The following ABLIM2 variants were observed in gnomAD, a reference collection of about 807,000 sequenced individuals.
ABLIM2 encodes actin binding LIM protein family member 2.
Under a neutral mutation model 97.7 loss-of-function variants are expected in ABLIM2, and 53 were observed. The ratio of observed to expected loss-of-function variants is 0.54; its 90% confidence interval spans 0.44 to 0.68. The LOEUF is 0.68. ABLIM2 is among the 30% of genes least tolerant of loss of function. The pLI is 0.00. For synonymous variants in ABLIM2, 361 were observed against 345.8 expected (o/e 1.04, Z -0.49); for missense variants, 835 against 867.2 (o/e 0.96, Z 0.47).
At chr4:8,107,210 C>T (rs1837900835) in intron 1 of ABLIM2, among the ~76,000 whole-genome samples, 1 of 152,252 alleles carries the variant, frequency 6.6e-6, no homozygotes, top group Non-Finnish European at 1.5e-5. Flanking sequence ...CACCACAGTA[C>T]AGGACATTTA....
intron 20 of ABLIM2, among the ~76,000 whole-genome samples, chr4:7,973,278 A>G (rs114317960): frequency 0.011 from 1,733 of 152,034 alleles, 39 homozygotes; most frequent in African/African-American, 0.04. Flanking sequence ...TGGGGGGCTG[A>G]GACGGGTAGA....
intron 1 of ABLIM2, among the ~76,000 whole-genome samples, chr4:8,153,955 C>CT (rs1216687226): frequency 7.8e-6 from 1 of 128,148 alleles, no homozygotes; most frequent in Non-Finnish European, 1.6e-5. Flanking sequence ...CTAAATTAAA[C>CT]TTCTTTTCTT....
chr4:8,030,513 G>A (rs149170533), intron 10 of ABLIM2, among the ~76,000 whole-genome samples: 4 of 152,318 alleles, frequency 2.6e-5, no homozygotes, highest in African/African-American at 9.6e-5. Context: ...TTCCCGGTCT[G>A]GGCCCATGGC....
intron 4 of ABLIM2, among the ~76,000 whole-genome samples, chr4:8,086,726 T>G (rs1263184411): frequency 2.0e-5 from 3 of 152,112 alleles, no homozygotes; most frequent in Non-Finnish European, 4.4e-5. Flanking sequence ...AAATTTGCCA[T>G]AGAGCTTTTG....
intron 6 of ABLIM2, chr4:8,066,951 T>C (rs370031058): frequency 2.0e-5 from 3 of 152,372 alleles, no homozygotes; most frequent in African/African-American, 7.2e-5. Context: ...GGCCAACTTT[T>C]GAATGACCAA....
At chr4:7,997,721 G>A (rs773372835) in intron 16 of ABLIM2, among the ~76,000 whole-genome samples, 61 of 152,216 alleles carry the variant, frequency 4.0e-4, no homozygotes, top group Non-Finnish European at 6.8e-4. Flanking sequence ...GGGTTGCTGC[G>A]TATTTCCCCG....
rs555453694 is a variant in ABLIM2 at position 8,149,679 on chromosome 4, G to C, written c.10+9001C>G. Among the ~76,000 whole-genome samples the C allele has an allele frequency of 5.0e-4, 76 of 152,120 alleles. No individual in the cohort carries two copies. The highest frequency in any genetic ancestry group is 1.8e-3 in the African/African-American group (74 of 41,512). ...TCAGGGCAAAGACAGCACATAGTAG[G>C]TGCTTAATAAATAGTCGTGGAGGGA... On this transcript the variant is annotated intron_variant, in intron 1 of 20. Coordinates refer to ENST00000447017, the MANE Select transcript of ABLIM2 (RefSeq NM_001130083.2). This position sits in a 1 kb window ranked among gnomAD's most constrained non-coding sequence, Gnocchi z 6.4.
intron 20 of ABLIM2, 37 bp from the exon 21 acceptor site, chr4:7,967,140 G>T: frequency 6.4e-7 from 1 of 1,562,328 alleles, no homozygotes; most frequent in Non-Finnish European, 8.8e-7. Context: ...GGACCAGTTA[G>T]CCACGCAGCA....
rs1221026888 is a variant in ABLIM2 at position 8,072,632 on chromosome 4, C to G, written c.675+4996G>C. Among the ~76,000 whole-genome samples, 1 of 152,222 alleles carries G rather than the reference C, an allele frequency of 6.6e-6. No homozygotes were observed. Among genetic ancestry groups the G allele is most frequent in the East Asian group, 1.9e-4 (1 of 5,192 alleles). On this transcript the variant is annotated intron_variant, in intron 6 of 20. Coordinates refer to ENST00000447017, the MANE Select transcript of ABLIM2 (RefSeq NM_001130083.2). The surrounding 1 kb of genome is among the most constrained non-coding windows in gnomAD (Gnocchi z 5.8). The stretch of plus-strand genomic sequence containing the variant: ...GGAGAAGACAAAGGGTTGGGGGAAA[C>G]CTGCGCACCCCGGGCTCCAGTCTGG...
rs562806666 is a variant in ABLIM2 at position 8,124,897 on chromosome 4, G to A, written c.11-18260C>T. ...CACAGCCTGCTCTGGGTGTGCCTGC[G>A]ATTTTGATCCAGCCATTCTAGCGGA... is the stretch of plus-strand genomic sequence containing the variant. On this transcript the variant is annotated intron_variant, in intron 1 of 20. Transcript: ENST00000447017. The surrounding 1 kb of genome is among the most constrained non-coding windows in gnomAD (Gnocchi z 6.1). Among the ~76,000 whole-genome samples the A allele has an allele frequency of 2.1e-3, 313 of 152,256 alleles. 1 individual carries two copies. Among genetic ancestry groups the A allele is most frequent in the African/African-American group, 7.2e-3 (299 of 41,536 alleles).
chr4:7,991,757 G>A lies in ABLIM2; in HGVS notation c.1680+1109C>T, dbSNP rs554070286. ...CCATGCAGAGGTGCCTGGGCCCTGG[G>A]GGAGATCCGGGGAGGCTGGGCCTTG... On this transcript the variant is annotated intron_variant, in intron 17 of 20. Coordinates refer to ENST00000447017, the MANE Select transcript of ABLIM2 (RefSeq NM_001130083.2). Among the ~76,000 whole-genome samples the A allele has an allele frequency of 9.9e-5, 15 of 152,252 alleles. No individual in the cohort carries two copies. The South Asian group carries it at 2.9e-3, about 30-fold the overall frequency.
At chr4:8,006,927 GGGATCCT>G in intron 16 of ABLIM2, 1 of 717,712 alleles carries the variant, frequency 1.4e-6, no homozygotes, top group Non-Finnish European at 1.7e-6. Context: ...CCTGAATGCT[GGGATCCT>G]GGTATTTACA....
At chr4:8,134,537 A>G (rs1849914915) in intron 1 of ABLIM2, among the ~76,000 whole-genome samples, 2 of 152,246 alleles carry the variant, frequency 1.3e-5, no homozygotes, top group Non-Finnish European at 2.9e-5. Flanking sequence ...TGCAGACCAC[A>G]TGCCCCGTCT....
rs949762560 is a variant in ABLIM2, at chr4:8,150,034, C to T, written c.10+8646G>A. Among the ~76,000 whole-genome samples the T allele has an allele frequency of 6.6e-6, 1 of 152,156 alleles. No individual in the cohort carries two copies. The highest frequency in any genetic ancestry group is 1.5e-5 in the Non-Finnish European group (1 of 68,026). The stretch of plus-strand genomic sequence containing the variant: ...GGTCACCTCCTAGGTAAACCACCTG[C>T]ACCCAAGTTCCCACTGCACCTACTC... On this transcript the variant is annotated intron_variant, in intron 1 of 20. Coordinates refer to ENST00000447017, the MANE Select transcript of ABLIM2 (RefSeq NM_001130083.2). This position sits in a 1 kb window ranked among gnomAD's most constrained non-coding sequence, Gnocchi z 6.3.
chr4:8,016,518 G>A (rs561314812), intron 14 of ABLIM2, among the ~76,000 whole-genome samples: 3 of 152,302 alleles, frequency 2.0e-5, no homozygotes, highest in Admixed American at 1.3e-4. Context: ...TCTGAGAAAG[G>A]AAGCTCCCCA....
chr4:8,047,369 C>CCTCCTCCTCCTCCTCCTCCTCCTCTTT (rs1793203968), intron 8 of ABLIM2, among the ~76,000 whole-genome samples: 1 of 151,262 alleles, frequency 6.6e-6, no homozygotes, highest in South Asian at 2.1e-4. Flanking sequence ...TCCTCCTCCT[C>CCTCCTCCTCCTCCTCCTCCTCCTCTTT]CTCCTCCTCC....
Position 8,068,564 on chromosome 4 carries a change from AGC to A in ABLIM2, c.676-7512_676-7511del, listed in dbSNP as rs1366704796. ...TCTTTGGGCTTCTGGAGAATGGATC[AGC>A]CCTCTCTGCCATGAGCCCCTCACAC... On this transcript the variant is annotated intron_variant, in intron 6 of 20. Transcript: ENST00000447017. The surrounding 1 kb of genome is among the most constrained non-coding windows in gnomAD (Gnocchi z 4.5). Among the ~76,000 whole-genome samples, 17 of 152,368 alleles carry A rather than the reference AGC, an allele frequency of 1.1e-4. 1 individual carries two copies. The highest frequency in any genetic ancestry group is 4.1e-4 in the African/African-American group (17 of 41,590).
At position 7,995,101 on chromosome 4, in the gene ABLIM2, A is replaced by G. The variant is rs1244583978; in HGVS notation, c.1619-2174T>C. On this transcript the variant is annotated intron_variant, in intron 16 of 20. Transcript: ENST00000447017. ...TGCTCATCATCACTGGCCATCAGAG[A>G]AATGCAAATCAAAACCACTATGAGA... 7.0e-5 allele frequency among the ~76,000 whole-genome samples: 4 copies of G among 57,198 alleles called. 1 individual carries two copies. The highest frequency in any genetic ancestry group is 2.4e-4 in the Non-Finnish European group (4 of 16,826). The allele number at this position is 57,198 out of a possible 152,430, so 37.5% of individuals were successfully genotyped here.
At chr4:8,152,733 G>C (rs1158636577) in intron 1 of ABLIM2, among the ~76,000 whole-genome samples, 2 of 152,218 alleles carry the variant, frequency 1.3e-5, no homozygotes, top group African/African-American at 2.4e-5. Context: ...GCTATCCCAG[G>C]ACATGACCCA....
Sources: gnomAD v4.1 joint callset for allele counts (sites outside exome capture counted in the v4.1 genomes callset) on GRCh38, gnomAD v4.1.1 for gene constraint, Gnocchi (gnomAD v3.1) non-coding constraint, MANE v1.5 for transcripts, NCBI Gene and HGNC (gene_info 2026-07-23, HGNC 2026-07-21) for gene names.